Variants in SMG6 observed in about 807,000 individuals in gnomAD.
SMG6 encodes SMG6 nonsense mediated mRNA decay factor, also known as telomerase-binding protein EST1A.
SMG6 carries 66 observed loss-of-function variants against 142.2 expected under a neutral mutation model. The ratio of observed to expected loss-of-function variants is 0.46; its 90% CI spans 0.38 to 0.57. The LOEUF is 0.57. Among genes scored for constraint, SMG6 ranks in the 20% least tolerant of loss-of-function variants. SMG6 has a pLI of 0.00. For missense variants in SMG6, 1,793 were observed against 1,832.0 expected (o/e 0.98, Z 0.39); for synonymous variants, 779 against 702.4 (o/e 1.11, Z -1.72).
At position 2,071,159 on chromosome 17, in the gene SMG6, C is replaced by T. The variant is rs1396286385; in HGVS notation, c.3682-2228G>A. On this transcript the variant is annotated intron_variant, in intron 15 of 18. Coordinates refer to ENST00000263073, the MANE Select transcript of SMG6 (RefSeq NM_017575.5). The surrounding 1 kb of genome is among the most constrained non-coding windows in gnomAD (Gnocchi z 5.6). ...CTGGGGGTCCGGCTCTGCACTGCGC[C>T]TCTGCCTCTGCCTCTGCCCCGCAAG... 6.6e-6 allele frequency among the ~76,000 whole-genome samples: 1 copy of T among 152,094 alleles called. No homozygotes were observed. Among genetic ancestry groups the T allele is most frequent in the African/African-American group, 2.4e-5 (1 of 41,400 alleles).
chr17:2,127,576 G>A, intron 13 of SMG6: 2 of 586,360 alleles, frequency 3.4e-6, no homozygotes, highest in African/African-American at 1.9e-5. Context: ...CTGGGTGACG[G>A]CCCAATCTTG....
chr17:2,195,431 T>C (rs951866534), intron 10 of SMG6, among the ~76,000 whole-genome samples: 6 of 152,206 alleles, frequency 3.9e-5, no homozygotes, highest in African/African-American at 1.4e-4. Flanking sequence ...TATTTGGAAC[T>C]TAACAAGCAA....
intron 15 of SMG6, among the ~76,000 whole-genome samples, chr17:2,074,367 T>C (rs1459212260): frequency 2.6e-5 from 4 of 152,148 alleles, no homozygotes; most frequent in Non-Finnish European, 5.9e-5. Context: ...CTGTTCATCC[T>C]GGGCCAGCAG....
In SMG6 at chr17:2,082,023, C is replaced by T. The variant is rs1395627006; in HGVS notation, c.3535-67G>A. The T allele has an allele frequency of 5.1e-6, 8 of 1,557,360 alleles. No individual in the cohort carries two copies. In the East Asian group the frequency reaches 1.8e-4, roughly 35 times the overall value. ...AGCTGGGCCCATGGCTCTTACTGAA[C>T]CCAACATTGCCCTTGTGGCCCCTCA... On this transcript the variant is annotated intron_variant, in intron 14 of 18. Transcript: ENST00000263073.
chr17:2,259,673 C>CAAAA (rs11289865), intron 8 of SMG6, among the ~76,000 whole-genome samples: 2 of 86,156 alleles, frequency 2.3e-5, no homozygotes, highest in African/African-American at 4.7e-5. Flanking sequence ...ACCCTGTCTC[C>CAAAA]AAAAAAAAAA....
chr17:2,081,437 T>A (rs923138248), intron 15 of SMG6, among the ~76,000 whole-genome samples: 22 of 152,068 alleles, frequency 1.4e-4, no homozygotes, highest in African/African-American at 5.3e-4. Flanking sequence ...GGAACAGGCG[T>A]TCTGAAGTAA....
At chr17:2,171,535 CTGTT>C (rs1462606451) in intron 13 of SMG6, among the ~76,000 whole-genome samples, 3 of 125,180 alleles carry the variant, frequency 2.4e-5, no homozygotes, top group African/African-American at 1.0e-4. Flanking sequence ...ATACTAAAAA[CTGTT>C]TGTTTGCTTG....
At position 2,081,815 on chromosome 17, in the gene SMG6, T is replaced by C. The variant is rs1382274097; in HGVS notation, c.3676A>G (p.Ile1226Val). The change falls in exon 15 of 19, where the codon ATC (isoleucine) becomes GTC (valine). Residue 1226 changes from isoleucine (I) to valine (V), a missense_variant. Ile to Val is a conservative substitution (Grantham distance 29, BLOSUM62 3). This residue lies in a region of SMG6 where 1,597 missense variants were observed against 1,584.6 expected (regional missense o/e 1.01). Transcript: ENST00000263073. ...IAEQQRRQEKIQAVLEDHSQM... is the reference protein window; with the variant it reads ...IAEQQRRQEKVQAVLEDHSQM... The stretch of plus-strand genomic sequence containing the variant: ...GCTCCCCAGGCCGACTTCACCTGGA[T>C]CTTTTCCTGGCGACGCTGCTGCTCA... 2 of 1,613,302 alleles carry C rather than the reference T, an allele frequency of 1.2e-6. No individual in the cohort carries two copies. The highest frequency in any genetic ancestry group is 1.3e-5 in the African/African-American group (1 of 74,904).
intron 13 of SMG6, among the ~76,000 whole-genome samples, chr17:2,091,218 C>A (rs966344132): frequency 3.3e-5 from 5 of 152,132 alleles, no homozygotes; most frequent in Non-Finnish European, 7.4e-5. Flanking sequence ...ATAAAAAATA[C>A]CACACAGGGA....
Position 2,228,401 on chromosome 17 carries a change from G to A in SMG6, c.2869+8091C>T, listed in dbSNP as rs541258325. ...CTGCCACCGTGCAGGGCTAATTTTT[G>A]TATTTTTAGTAGAGATGGGGTTTCA... On this transcript the variant is annotated intron_variant, in intron 10 of 18. Transcript: ENST00000263073. Among the ~76,000 whole-genome samples, 4 of 151,390 alleles carry A rather than the reference G, an allele frequency of 2.6e-5. No homozygotes were observed. The East Asian group carries it at 7.8e-4, about 30-fold the overall frequency.
At chr17:2,088,760 C>T in intron 13 of SMG6, 1 of 985,326 alleles carries the variant, frequency 1.0e-6, no homozygotes, top group South Asian at 4.7e-5. Context: ...GGCAGAATGT[C>T]CAGGGCTTGC....
intron 12 of SMG6, among the ~76,000 whole-genome samples, chr17:2,185,412 G>A (rs1284113926): frequency 6.6e-6 from 1 of 151,910 alleles, no homozygotes. Flanking sequence ...ACCATATGGG[G>A]TTCCACAACA....
chr17:2,221,796 T>C (rs2151768799), intron 10 of SMG6, among the ~76,000 whole-genome samples: 1 of 152,168 alleles, frequency 6.6e-6, no homozygotes, highest in Non-Finnish European at 1.5e-5. Flanking sequence ...CAGGCTGGAG[T>C]GCAATGGGGT....
At chr17:2,067,102 AG>A (rs1597324056) in intron 16 of SMG6, among the ~76,000 whole-genome samples, 1 of 152,178 alleles carries the variant, frequency 6.6e-6, no homozygotes, top group East Asian at 1.9e-4. Context: ...AGGTCCAGAG[AG>A]GCTGGCCTGT....
At chr17:2,178,218 G>C (rs2071704187) in intron 12 of SMG6, among the ~76,000 whole-genome samples, 1 of 152,120 alleles carries the variant, frequency 6.6e-6, no homozygotes, top group South Asian at 2.1e-4. Context: ...CTGGAGATGG[G>C]GAGAATTCTA....
rs192774886 is a variant in SMG6, at chr17:2,137,827, A to G, written c.3357+34831T>C. Among the ~76,000 whole-genome samples, 3 of 152,346 alleles carry G rather than the reference A, an allele frequency of 2.0e-5. No individual in the cohort carries two copies. In the East Asian group the frequency reaches 5.8e-4, roughly 29 times the overall value. On this transcript the variant is annotated intron_variant, in intron 13 of 18. Transcript: ENST00000263073. The stretch of plus-strand genomic sequence containing the variant: ...CTTAGATATTCATGGACCTTAGTAC[A>G]GAATCCAAATGTCCTCTGTATCTCC...
chr17:2,210,756 C>A, intron 10 of SMG6, among the ~76,000 whole-genome samples: 2 of 126,250 alleles, frequency 1.6e-5, no homozygotes, highest in Non-Finnish European at 1.7e-5. Context: ...AAGGCAAAAG[C>A]TTTAAAAAAA....
intron 8 of SMG6, among the ~76,000 whole-genome samples, chr17:2,252,463 A>G (rs1359040327): frequency 6.6e-6 from 1 of 152,198 alleles, no homozygotes; most frequent in Non-Finnish European, 1.5e-5. Flanking sequence ...TTTACTGCTC[A>G]TGTGTTTACT....
At chr17:2,065,200 G>C in intron 17 of SMG6, 46 bp from the exon 18 acceptor site, 2 of 1,491,092 alleles carry the variant, frequency 1.3e-6, no homozygotes, top group Non-Finnish European at 1.9e-6. Context: ...AGAAGGGGGC[G>C]CCATGTGGAG....
Sources: gnomAD v4.1 joint callset for allele counts (sites outside exome capture counted in the v4.1 genomes callset) on GRCh38, gnomAD v4.1.1 for gene constraint, gnomAD v4.1.1 regional missense constraint, Gnocchi (gnomAD v3.1) non-coding constraint, MANE v1.5 for transcripts, NCBI Gene and HGNC (gene_info 2026-07-23, HGNC 2026-07-21) for gene names.